The following NXPE2 variants were observed in gnomAD, a reference collection of about 807,000 sequenced individuals.
NXPE2 encodes the protein NXPE family member 2.
Under a neutral mutation model 34.4 loss-of-function variants are expected in NXPE2, and 34 were observed. That is an observed-to-expected ratio of 0.99 (90% CI 0.75 to 1.31). The LOEUF is 1.31. Among genes scored for constraint, NXPE2 ranks in the 40% most tolerant of loss-of-function variants. NXPE2 has a pLI of 0.00. For synonymous variants in NXPE2, 235 were observed against 231.3 expected, an observed-to-expected ratio of 1.02 and a Z score of -0.15; for missense variants, 649 against 672.5, an observed-to-expected ratio of 0.97 and a Z score of 0.39.
intron 2 of NXPE2, among the ~76,000 whole-genome samples, chr11:114,691,118 T>C (rs1014957604): frequency 6.6e-6 from 1 of 152,152 alleles, no homozygotes; most frequent in African/African-American, 2.4e-5. Flanking sequence ...TGTGAGTGAA[T>C]GGTATCCTTT....
chr11:114,527,775 AT>A, the NXPE2 span: 2 of 1,086,440 alleles, frequency 1.8e-6, no homozygotes, highest in Non-Finnish European at 2.7e-6. Flanking sequence ...AACTACAATT[AT>A]TTAGGTTAAT....
At chr11:114,672,322 A>C in the NXPE2 span, among the ~76,000 whole-genome samples, 5 of 151,978 alleles carry the variant, frequency 3.3e-5, no homozygotes, top group African/African-American at 9.7e-5. Flanking sequence ...ACAATCCCTA[A>C]ATTTTTTCAA....
the NXPE2 span, among the ~76,000 whole-genome samples, chr11:114,632,298 C>T: frequency 7.4e-6 from 1 of 134,726 alleles, no homozygotes; most frequent in African/African-American, 2.7e-5. Flanking sequence ...ATATTATCCA[C>T]CACCACCACC....
At chr11:114,801,229 G>GTATATAGATTGTTAC in the NXPE2 span, among the ~76,000 whole-genome samples, 1 of 152,114 alleles carries the variant, frequency 6.6e-6, no homozygotes, top group African/African-American at 2.4e-5. Flanking sequence ...ACTTAACCTA[G>GTATATAGATTGTTAC]TATATAGATT....
chr11:114,493,524 A>G, the NXPE2 span, among the ~76,000 whole-genome samples: 1 of 152,192 alleles, frequency 6.6e-6, no homozygotes, highest in Non-Finnish European at 1.5e-5. Flanking sequence ...TTCAAATAAT[A>G]TCTTATAACC....
At chr11:114,791,283 G>T in the NXPE2 span, among the ~76,000 whole-genome samples, 3 of 152,126 alleles carry the variant, frequency 2.0e-5, no homozygotes, top group African/African-American at 7.2e-5. Flanking sequence ...TGCTGTTGGT[G>T]GTTGTGGAAG....
At chr11:114,642,401 C>T in the NXPE2 span, among the ~76,000 whole-genome samples, 1 of 151,976 alleles carries the variant, frequency 6.6e-6, no homozygotes, top group Admixed American at 6.6e-5. Context: ...GTAGGTATTT[C>T]TCCTAATGCT....
At chr11:114,541,973 A>T in the NXPE2 span, among the ~76,000 whole-genome samples, 2 of 152,088 alleles carry the variant, frequency 1.3e-5, no homozygotes, top group East Asian at 1.9e-4. Context: ...GGTCTTTTTG[A>T]TTTATAAGTT....
the NXPE2 span, among the ~76,000 whole-genome samples, chr11:114,555,669 C>T: frequency 6.6e-6 from 1 of 152,162 alleles, no homozygotes; most frequent in Non-Finnish European, 1.5e-5. Flanking sequence ...CTGTGCATGC[C>T]CCGCTGCCCA....
the NXPE2 span, among the ~76,000 whole-genome samples, chr11:114,797,658 G>A: frequency 6.6e-6 from 1 of 152,126 alleles, no homozygotes; most frequent in Non-Finnish European, 1.5e-5. Flanking sequence ...GTTTGCTCTT[G>A]AGATGAAATC....
chr11:114,675,045 T>A (rs1257937289), upstream of NXPE2, among the ~76,000 whole-genome samples: 1 of 151,678 alleles, frequency 6.6e-6, no homozygotes, highest in Non-Finnish European at 1.5e-5. Flanking sequence ...GAATGCAGGA[T>A]AAAAATCATA....
chr11:114,784,179 A>G, the NXPE2 span, among the ~76,000 whole-genome samples: 7 of 152,214 alleles, frequency 4.6e-5, no homozygotes, highest in Admixed American at 1.3e-4. Context: ...TCTCAGCTCC[A>G]CTGTCCCACA....
At chr11:114,538,544 A>G in the NXPE2 span, among the ~76,000 whole-genome samples, 2 of 152,244 alleles carry the variant, frequency 1.3e-5, no homozygotes, top group African/African-American at 4.8e-5. Context: ...ATAAAGGGCT[A>G]ATATCCAGAA....
chr11:114,554,996 T>C, the NXPE2 span, among the ~76,000 whole-genome samples: 10 of 151,786 alleles, frequency 6.6e-5, no homozygotes, highest in Admixed American at 2.0e-4. Flanking sequence ...GAGACATAAA[T>C]CCCTATCTTG....
chr11:114,774,860 A>G, the NXPE2 span, among the ~76,000 whole-genome samples: 352 of 152,340 alleles, frequency 2.3e-3, 6 homozygotes, highest in Middle Eastern at 0.048. Context: ...ACAGGCCTTC[A>G]GGGACCTTGA....
the NXPE2 span, among the ~76,000 whole-genome samples, chr11:114,745,475 T>A: frequency 4.6e-5 from 7 of 152,192 alleles, no homozygotes; most frequent in Non-Finnish European, 1.0e-4. Flanking sequence ...GAATCTGGCC[T>A]CATGATCCAA....
At chr11:114,772,171 G>C in the NXPE2 span, among the ~76,000 whole-genome samples, 1 of 152,154 alleles carries the variant, frequency 6.6e-6, no homozygotes, top group Non-Finnish European at 1.5e-5. Flanking sequence ...TCCAAAGATA[G>C]CGTGAACAGC....
upstream of NXPE2, chr11:114,678,440 C>T (rs970609099): frequency 4.3e-5 from 28 of 649,388 alleles, no homozygotes; most frequent in East Asian, 1.7e-4. Context: ...CCAGCTGGCA[C>T]GCTGTGGCCA....
chr11:114,712,833 T>A, the NXPE2 span, among the ~76,000 whole-genome samples: 1 of 152,212 alleles, frequency 6.6e-6, no homozygotes. Context: ...CACACCCATG[T>A]TCATCACAAG....
Sources: gnomAD v4.1 joint callset for allele counts (sites outside exome capture counted in the v4.1 genomes callset) on GRCh38, gnomAD v4.1.1 for gene constraint, MANE v1.5 for transcripts, NCBI Gene and HGNC (gene_info 2026-07-23, HGNC 2026-07-21) for gene names.